The following AP1B1 variants were observed in gnomAD, a reference collection of about 807,000 sequenced individuals.
AP1B1 encodes the protein AP-1 complex subunit beta-1.
Under a neutral mutation model 104.3 loss-of-function variants are expected in AP1B1, and 36 were observed. The ratio of observed to expected loss-of-function variants is 0.35; its 90% CI spans 0.26 to 0.46. AP1B1 has a LOEUF of 0.46. Among genes scored for constraint, AP1B1 ranks in the 20% least tolerant of loss-of-function variants. The probability of loss-of-function intolerance (pLI) is 1.00; values close to 1 mark genes in which losing one functional copy is unlikely to be tolerated. For missense variants in AP1B1, 901 were observed against 1,247.9 expected, an observed-to-expected ratio of 0.72 and a Z score of 4.19; for synonymous variants, 504 against 517.5, an observed-to-expected ratio of 0.97 and a Z score of 0.35.
At chr22:29,386,707 G>A (rs1273124550) in intron 1 of AP1B1, among the ~76,000 whole-genome samples, 6 of 152,210 alleles carry the variant, frequency 3.9e-5, no homozygotes, top group Non-Finnish European at 8.8e-5. Flanking sequence ...CAGAAGCCAT[G>A]TGGAAGCCCT....
intron 1 of AP1B1, among the ~76,000 whole-genome samples, chr22:29,385,202 T>C (rs1274155212): frequency 2.0e-5 from 3 of 152,112 alleles, no homozygotes; most frequent in Non-Finnish European, 4.4e-5. Flanking sequence ...CTGAGCAATA[T>C]AGCAAGACTC....
chr22:29,330,830 T>C, intron 19 of AP1B1, 121 bp from the exon 20 acceptor site: 1 of 798,206 alleles, frequency 1.3e-6, no homozygotes, highest in Non-Finnish European at 2.0e-6. Flanking sequence ...CAACAGGCAC[T>C]AGCTGCCGCA....
At chr22:29,342,631 A>C (rs1367911794) in intron 11 of AP1B1, among the ~76,000 whole-genome samples, 1 of 152,260 alleles carries the variant, frequency 6.6e-6, no homozygotes, top group African/African-American at 2.4e-5. Context: ...AAACCCAAGT[A>C]GGCCAGGGGC....
rs1049063773 is a variant in AP1B1, at chr22:29,349,905, G to A, written c.1271+130C>T. 8 of 760,174 alleles carry A rather than the reference G, an allele frequency of 1.1e-5. No individual in the cohort carries two copies. The Admixed American group carries it at 1.6e-4, about 15-fold the overall frequency. 47.1% of individuals were successfully genotyped at this position (760,174 alleles called of 1,614,324 possible). A position where few individuals can be genotyped will look rare whatever the true frequency, so the allele number is the denominator to read the frequency against. On this transcript the variant is annotated intron_variant, in intron 10 of 22. Transcript: ENST00000357586. ...CAGTGTGGACGAAATAAAAAACAAA[G>A]GGTTTCTTTTGAGAATGACGCTTGT... is the stretch of plus-strand genomic sequence containing the variant.
chr22:29,350,513 T>A (rs1236078858), intron 9 of AP1B1, among the ~76,000 whole-genome samples: 4 of 152,112 alleles, frequency 2.6e-5, no homozygotes, highest in Non-Finnish European at 4.4e-5. Context: ...CCAAAAACAC[T>A]CACAGAACCT....
chr22:29,376,551 G>A lies in AP1B1; in HGVS notation c.-27-9281C>T, dbSNP rs1337920891. On this transcript the variant is annotated intron_variant, in intron 1 of 22. Coordinates refer to ENST00000357586, the MANE Select transcript of AP1B1 (RefSeq NM_001127.4). Reference sequence around the variant, plus strand: ...GTTGGTGGCTTCCAACTTTGGTACTGGAACTGCCACTGTTAAACACTTCCC... The same window carrying A: ...GTTGGTGGCTTCCAACTTTGGTACTAGAACTGCCACTGTTAAACACTTCCC... Among the ~76,000 whole-genome samples the A allele has an allele frequency of 2.6e-5, 4 of 152,164 alleles. No individual in the cohort carries two copies. The East Asian group carries it at 5.8e-4, about 22-fold the overall frequency.
chr22:29,377,788 G>A (rs1043871898), intron 1 of AP1B1, among the ~76,000 whole-genome samples: 1 of 150,584 alleles, frequency 6.6e-6, no homozygotes, highest in South Asian at 2.1e-4. Context: ...TCCAGCCTGG[G>A]TGACAGTGCG....
intron 1 of AP1B1, among the ~76,000 whole-genome samples, chr22:29,381,223 C>T (rs1274931599): frequency 6.6e-6 from 1 of 152,122 alleles, no homozygotes; most frequent in East Asian, 1.9e-4. Context: ...GTATACCCCT[C>T]CCCCATAATC....
intron 1 of AP1B1, among the ~76,000 whole-genome samples, chr22:29,380,185 C>T (rs763183071): frequency 6.6e-6 from 1 of 152,116 alleles, no homozygotes; most frequent in African/African-American, 2.4e-5. Context: ...ACCTGTCTTC[C>T]CTCAAATGCT....
chr22:29,329,887 GT>G, intron 21 of AP1B1, 167 bp from the exon 22 acceptor site: 1 of 1,460,998 alleles, frequency 6.8e-7, no homozygotes, highest in Non-Finnish European at 9.1e-7. Flanking sequence ...ACTCAGGGGT[GT>G]GGGGGAGAAG....
intron 5 of AP1B1, 59 bp from the exon 6 acceptor site, chr22:29,356,675 G>C (rs746709830): frequency 3.4e-6 from 5 of 1,491,380 alleles, no homozygotes; most frequent in African/African-American, 1.4e-5. Context: ...CCAGGGGGCA[G>C]TGCATTAATG....
At position 29,356,605 on chromosome 22, in the gene AP1B1, A is replaced by G. The variant is rs2061962133; in HGVS notation, c.537T>C (p.Asn179=). The change falls in exon 6 of 23, where the codon AAT becomes AAC. Residue 179 remains asparagine, a synonymous_variant. Transcript: ENST00000357586. ...CAATTTCTGAGAGCGCTGCCACTGC[A>G]TTGGCCACCACCTGGTTGAGAGGGT... The part of the protein sequence containing the change: ...ISDSNPMVVA[N]AVAALSEIAE... 1 of 1,613,876 alleles carries G rather than the reference A, an allele frequency of 6.2e-7. No homozygotes were observed. The highest frequency in any genetic ancestry group is 1.7e-5 in the Admixed American group (1 of 59,970).
chr22:29,358,870 C>A lies in AP1B1; in HGVS notation c.381G>T (p.Arg127=), dbSNP rs1201085482. ...KITEYLCEPL[R]KCLKDEDPYV... ...ATGGATCCTCGTCCTTCAGGCACTT[C>A]CGGAGTGGCTCGCACAGGTACTCTG... Residue 127 remains arginine (R), a synonymous_variant, in exon 5 of 23, where the codon CGG becomes CGT. Transcript: ENST00000357586. 1.9e-6 allele frequency: 3 copies of A among 1,614,098 alleles called. No homozygotes were observed. Among genetic ancestry groups the A allele is most frequent in the Non-Finnish European group, 2.5e-6 (3 of 1,180,046 alleles).
At chr22:29,333,789 C>G (rs998511330) in intron 17 of AP1B1, among the ~76,000 whole-genome samples, 4 of 152,216 alleles carry the variant, frequency 2.6e-5, no homozygotes, top group Non-Finnish European at 5.9e-5. Flanking sequence ...CTTGGCTGAG[C>G]ACGGTCACTC....
intron 4 of AP1B1, 165 bp downstream of exon 4, chr22:29,359,659 G>C: frequency 1.2e-6 from 1 of 809,990 alleles, no homozygotes; most frequent in Non-Finnish European, 1.9e-6. Flanking sequence ...ATTTTCTGGA[G>C]AGTGGGAGCC....
intron 1 of AP1B1, among the ~76,000 whole-genome samples, chr22:29,374,357 GT>G (rs2062298207): frequency 6.6e-6 from 1 of 152,080 alleles, no homozygotes; most frequent in Admixed American, 6.5e-5. Flanking sequence ...TAAAAATTGA[GT>G]TTTCCTGCAT....
chr22:29,329,365 G>A (rs527976327), intron 22 of AP1B1: 30 of 1,222,172 alleles, frequency 2.5e-5, no homozygotes, highest in East Asian at 2.0e-4. Context: ...CTTTGCCTCC[G>A]CTCTGGGGCC....
intron 1 of AP1B1, among the ~76,000 whole-genome samples, chr22:29,381,699 G>A (rs1460854599): frequency 6.6e-6 from 1 of 152,146 alleles, no homozygotes; most frequent in East Asian, 1.9e-4. Flanking sequence ...AGATCAGGTG[G>A]CAACATCTCC....
intron 2 of AP1B1, among the ~76,000 whole-genome samples, chr22:29,364,758 G>C (rs1216270818): frequency 6.6e-6 from 1 of 151,042 alleles, no homozygotes; most frequent in East Asian, 1.9e-4. Context: ...ACCCAGGCTG[G>C]AGTGCAGCGG....
Sources: gnomAD v4.1 joint callset for allele counts (sites outside exome capture counted in the v4.1 genomes callset) on GRCh38, gnomAD v4.1.1 for gene constraint, MANE v1.5 for transcripts, NCBI Gene and HGNC (gene_info 2026-07-23, HGNC 2026-07-21) for gene names.